Variants in TYR observed in about 807,000 individuals in gnomAD.
The protein encoded by TYR is LB24-AB.
In TYR, 58 loss-of-function variants were observed where a neutral mutation model predicts 51.5. The observed-to-expected ratio is 1.13, with a 90% confidence interval of 0.91 to 1.40. The LOEUF is 1.40. Ranked by LOEUF, TYR falls within the 40% of genes most tolerant of loss-of-function variation. TYR has a pLI of 0.00. For missense variants in TYR, 732 were observed against 647.4 expected (o/e 1.13, Z -1.42); for synonymous variants, 263 against 235.2 (o/e 1.12, Z -1.08).
At chr11:89,259,676 C>T (rs896185681) in intron 3 of TYR, among the ~76,000 whole-genome samples, 1 of 151,984 alleles carries the variant, frequency 6.6e-6, no homozygotes, top group African/African-American at 2.4e-5. Context: ...AGAGGCTTAC[C>T]CTACCTAAAA....
chr11:89,245,648 C>T lies in TYR; in HGVS notation c.1184+17678C>T, dbSNP rs532382834. 7.9e-5 allele frequency among the ~76,000 whole-genome samples: 12 copies of T among 152,156 alleles called. No individual in the cohort carries two copies. The East Asian group carries it at 1.9e-3, about 25-fold the overall frequency. ...GAAGAATCTGGAGGAACAGGCTGGG[C>T]GTGGTGGCTCACGCCTGTAATCCCA... On this transcript the variant is annotated intron_variant, in intron 3 of 4. Transcript: ENST00000263321.
chr11:89,287,563 A>G (rs1944804733), intron 4 of TYR, among the ~76,000 whole-genome samples: 1 of 151,956 alleles, frequency 6.6e-6, no homozygotes, highest in Non-Finnish European at 1.5e-5. Flanking sequence ...ACTCATTTAT[A>G]TAGAGATATG....
At position 89,263,330 on chromosome 11, in the gene TYR, G is replaced by A. The variant is rs565159213; in HGVS notation, c.1185-21443G>A. On this transcript the variant is annotated intron_variant, in intron 3 of 4. Transcript: ENST00000263321. ...TAAAAAACAAACATGCATCAAGCTAGGAATAAAAAAAGAGCTTTCTCATTT... is the reference window on the plus strand; with the variant it reads ...TAAAAAACAAACATGCATCAAGCTAAGAATAAAAAAAGAGCTTTCTCATTT... Among the ~76,000 whole-genome samples the A allele has an allele frequency of 2.0e-5, 3 of 151,564 alleles. No homozygotes were observed. The East Asian group carries it at 5.8e-4, about 29-fold the overall frequency.
At chr11:89,253,454 G>A (rs1394363165) in intron 3 of TYR, among the ~76,000 whole-genome samples, 4 of 151,728 alleles carry the variant, frequency 2.6e-5, no homozygotes, top group Admixed American at 2.6e-4. Context: ...CCACGAGCAT[G>A]GAATGTGTTT....
Position 89,295,278 on chromosome 11 carries a change from G to A in TYR, c.1502G>A (p.Arg501His), listed in dbSNP as rs775135504. The A allele has an allele frequency of 7.4e-6, 12 of 1,613,644 alleles. No homozygotes were observed. Among genetic ancestry groups the A allele is most frequent in the African/African-American group, 2.7e-5 (2 of 74,876 alleles). The change falls in exon 5 of 5, where the codon CGT becomes CAT. Residue 501 changes from arginine to histidine, a missense_variant. Coordinates refer to ENST00000263321, the MANE Select transcript of TYR (RefSeq NM_000372.5). ...LLAGLVSLLC[R>H]HKRKQLPEEK... is the part of the protein sequence containing the mutation. ...GCAGGGCTTGTGAGCTTGCTGTGTC[G>A]TCACAAGAGAAAGCAGCTTCCTGAA...
intron 3 of TYR, among the ~76,000 whole-genome samples, chr11:89,270,023 G>T (rs1378629572): frequency 6.6e-6 from 1 of 151,858 alleles, no homozygotes; most frequent in Non-Finnish European, 1.5e-5. Flanking sequence ...AACTAGGCAC[G>T]ATTATGTCAC....
At chr11:89,192,559 G>A (rs1363251716) in intron 2 of TYR, among the ~76,000 whole-genome samples, 2 of 151,914 alleles carry the variant, frequency 1.3e-5, no homozygotes, top group South Asian at 4.2e-4. Flanking sequence ...ACTGTGCAGA[G>A]TGGTTTTACT....
intron 2 of TYR, among the ~76,000 whole-genome samples, chr11:89,210,502 C>T (rs1306322781): frequency 6.6e-6 from 1 of 152,112 alleles, no homozygotes; most frequent in Non-Finnish European, 1.5e-5. Flanking sequence ...ATTCGTGTAC[C>T]TGAAAGTGAT....
intron 1 of TYR, among the ~76,000 whole-genome samples, chr11:89,180,392 TAATA>T (rs1943285084): frequency 6.6e-6 from 1 of 152,188 alleles, no homozygotes; most frequent in South Asian, 2.1e-4. Flanking sequence ...CAGGAAATCT[TAATA>T]GATAGATACA....
intron 3 of TYR, among the ~76,000 whole-genome samples, chr11:89,279,923 T>G (rs373528881): frequency 2.1e-4 from 32 of 151,864 alleles, no homozygotes; most frequent in African/African-American, 7.2e-4. Flanking sequence ...ATTTGAATTC[T>G]TTTACATGAT....
intron 2 of TYR, among the ~76,000 whole-genome samples, chr11:89,218,349 G>T (rs1943862859): frequency 6.6e-6 from 1 of 152,090 alleles, no homozygotes; most frequent in Non-Finnish European, 1.5e-5. Context: ...AGGAATAAAT[G>T]ACATATTCTG....
intron 3 of TYR, among the ~76,000 whole-genome samples, chr11:89,241,238 T>C (rs1403882218): frequency 6.6e-6 from 1 of 152,158 alleles, no homozygotes; most frequent in Non-Finnish European, 1.5e-5. Context: ...AAATTTTTCA[T>C]ATGTTACTTC....
At chr11:89,253,788 T>C (rs1208200232) in intron 3 of TYR, among the ~76,000 whole-genome samples, 1 of 151,828 alleles carries the variant, frequency 6.6e-6, no homozygotes. Flanking sequence ...CAGTTTGACT[T>C]CCTCTTTACC....
chr11:89,186,018 C>T (rs187511282), intron 1 of TYR, among the ~76,000 whole-genome samples: 1 of 152,142 alleles, frequency 6.6e-6, no homozygotes, highest in African/African-American at 2.4e-5. Context: ...CCTGTTTTTA[C>T]TAATTATTTG....
At chr11:89,221,961 G>A (rs1005303866) in intron 2 of TYR, among the ~76,000 whole-genome samples, 3 of 152,128 alleles carry the variant, frequency 2.0e-5, no homozygotes, top group Non-Finnish European at 2.9e-5. Flanking sequence ...GGAAAGATAC[G>A]GAATTATATG....
At chr11:89,205,170 G>A (rs1209538279) in intron 2 of TYR, among the ~76,000 whole-genome samples, 2 of 151,920 alleles carry the variant, frequency 1.3e-5, no homozygotes, top group Non-Finnish European at 2.9e-5. Context: ...AAAGAAGAAA[G>A]AATAAGTGAA....
intron 3 of TYR, among the ~76,000 whole-genome samples, chr11:89,231,685 G>A (rs1487161473): frequency 7.0e-6 from 1 of 142,582 alleles, no homozygotes; most frequent in African/African-American, 2.8e-5. Context: ...CAAAATTTCA[G>A]TTAAGTATAA....
intron 2 of TYR, among the ~76,000 whole-genome samples, chr11:89,196,777 C>A (rs1485827825): frequency 6.6e-6 from 1 of 152,146 alleles, no homozygotes; most frequent in East Asian, 1.9e-4. Flanking sequence ...ATAACACCAC[C>A]ATGTGACCCA....
At chr11:89,256,728 T>A (rs554637426) in intron 3 of TYR, among the ~76,000 whole-genome samples, 2 of 151,632 alleles carry the variant, frequency 1.3e-5, no homozygotes, top group Admixed American at 6.6e-5. Context: ...AATCTAATAG[T>A]TTTGGGAAGG....
Sources: allele counts gnomAD v4.1 joint callset (sites outside exome capture counted in the v4.1 genomes callset), GRCh38; gene constraint gnomAD v4.1.1; transcripts MANE v1.5; gene names NCBI Gene and HGNC (gene_info 2026-07-23, HGNC 2026-07-21).